The following DSCAM variants were observed in gnomAD, a reference collection of about 807,000 sequenced individuals.
DSCAM encodes cell adhesion molecule DSCAM.
A neutral mutation model predicts 217.7 loss-of-function variants in DSCAM; 47 were observed. The observed-to-expected ratio is 0.22, with a 90% CI of 0.17 to 0.28. The LOEUF (loss-of-function observed/expected upper bound fraction) is 0.28. DSCAM is among the 10% of genes least tolerant of loss of function. The pLI, the probability that DSCAM is intolerant of heterozygous loss-of-function variation, is 1.00. For synonymous variants in DSCAM, 1,056 were observed against 1,015.3 expected (o/e 1.04, Z -0.76); for missense variants, 2,080 against 2,618.3 (o/e 0.79, Z 4.49).
chr21:40,665,149 A>C (rs2090186160), intron 3 of DSCAM, among the ~76,000 whole-genome samples: 1 of 152,180 alleles, frequency 6.6e-6, no homozygotes, highest in Non-Finnish European at 1.5e-5. Flanking sequence ...TATAAATAGC[A>C]AGCAAAGGAA....
chr21:40,295,520 T>C (rs540886158), intron 10 of DSCAM, among the ~76,000 whole-genome samples: 93 of 152,172 alleles, frequency 6.1e-4, no homozygotes, highest in African/African-American at 2.2e-3. Flanking sequence ...ACAATCGCAA[T>C]AGGACATTGG....
chr21:40,533,295 T>C (rs1261363059), intron 3 of DSCAM, among the ~76,000 whole-genome samples: 2 of 152,236 alleles, frequency 1.3e-5, no homozygotes, highest in Non-Finnish European at 2.9e-5. Context: ...TTGCTCTATA[T>C]ATGTACAAAA....
intron 3 of DSCAM, among the ~76,000 whole-genome samples, chr21:40,612,552 C>T (rs1051890123): frequency 6.6e-6 from 1 of 152,152 alleles, no homozygotes; most frequent in Non-Finnish European, 1.5e-5. Flanking sequence ...TTGGTGTCTA[C>T]CCAGCAGAGG....
chr21:40,414,338 CT>C (rs1175581892), intron 3 of DSCAM, among the ~76,000 whole-genome samples: 1 of 152,096 alleles, frequency 6.6e-6, no homozygotes, highest in Non-Finnish European at 1.5e-5. Context: ...TGAACAGATA[CT>C]TAGTGAAAGG....
intron 16 of DSCAM, among the ~76,000 whole-genome samples, chr21:40,158,201 A>G (rs1039844780): frequency 5.3e-5 from 8 of 152,130 alleles, no homozygotes; most frequent in African/African-American, 1.7e-4. Context: ...CCTGGGCAAC[A>G]TAGTGAGACC....
At chr21:40,423,749 C>T (rs886417850) in intron 3 of DSCAM, among the ~76,000 whole-genome samples, 3 of 152,228 alleles carry the variant, frequency 2.0e-5, no homozygotes, top group South Asian at 2.1e-4. Flanking sequence ...GATTCGCTGC[C>T]GGTAACTCAG....
chr21:40,828,993 C>T (rs2091991894), intron 1 of DSCAM, among the ~76,000 whole-genome samples: 1 of 152,194 alleles, frequency 6.6e-6, no homozygotes, highest in South Asian at 2.1e-4. Flanking sequence ...TCCCGCAGCC[C>T]CTGCTAGTTC....
chr21:40,371,434 AAG>A (rs1555910563), intron 3 of DSCAM, among the ~76,000 whole-genome samples: 7,558 of 151,642 alleles, frequency 0.05, 310 homozygotes, highest in African/African-American at 0.12. Flanking sequence ...AAAAAAAAAA[AAG>A]ATGATGTATG....
intron 3 of DSCAM, among the ~76,000 whole-genome samples, chr21:40,430,349 G>C (rs1433020605): frequency 6.6e-6 from 1 of 152,178 alleles, no homozygotes; most frequent in African/African-American, 2.4e-5. Context: ...TGAGGCAGTG[G>C]GCTGCGGAAG....
At chr21:40,803,435 T>C (rs929178978) in intron 1 of DSCAM, among the ~76,000 whole-genome samples, 11 of 152,150 alleles carry the variant, frequency 7.2e-5, no homozygotes, top group African/African-American at 2.7e-4. Flanking sequence ...GTGACTCAAA[T>C]TCTGTTAAAG....
At chr21:40,645,883 T>G (rs563600693) in intron 3 of DSCAM, among the ~76,000 whole-genome samples, 2 of 152,320 alleles carry the variant, frequency 1.3e-5, no homozygotes, top group African/African-American at 4.8e-5. Context: ...TAAACTGTCT[T>G]GGGACATCAA....
intron 16 of DSCAM, among the ~76,000 whole-genome samples, chr21:40,165,877 C>A (rs966833956): frequency 6.6e-6 from 1 of 151,718 alleles, no homozygotes; most frequent in African/African-American, 2.4e-5. Context: ...GCTTGCTGAG[C>A]GTCTTTATTC....
chr21:40,263,635 C>A (rs2073483782), intron 11 of DSCAM, among the ~76,000 whole-genome samples: 1 of 152,064 alleles, frequency 6.6e-6, no homozygotes, highest in Admixed American at 6.6e-5. Context: ...GACAACCTAA[C>A]ATCACATTTC....
intron 9 of DSCAM, among the ~76,000 whole-genome samples, chr21:40,309,613 T>C (rs572204134): frequency 5.6e-4 from 86 of 152,296 alleles, no homozygotes; most frequent in African/African-American, 1.9e-3. Flanking sequence ...TCTTCCTCAT[T>C]TCTTCTCTGC....
rs1601639940 is a variant in DSCAM, at chr21:40,432,982, A to G, written c.509-63737T>C. ...TGTGAAAGCCAACATTTCTGTTGTA[A>G]CCATTTTCTATCTGTTTCAAATTAT... On this transcript the variant is annotated intron_variant, in intron 3 of 32. Coordinates refer to ENST00000400454, the MANE Select transcript of DSCAM (RefSeq NM_001389.5). 5.3e-5 allele frequency among the ~76,000 whole-genome samples: 8 copies of G among 152,250 alleles called. 1 individual carries two copies. The highest frequency in any genetic ancestry group is 5.2e-4 in the Admixed American group (8 of 15,284).
chr21:40,273,856 A>C (rs867774551), intron 11 of DSCAM, among the ~76,000 whole-genome samples: 2 of 152,162 alleles, frequency 1.3e-5, no homozygotes, highest in Admixed American at 6.5e-5. Flanking sequence ...TTCGATAAGG[A>C]CACTAATTCC....
In DSCAM at chr21:40,016,301, C is replaced by T. The variant is rs894570433; in HGVS notation, c.5687-2915G>A. 6.6e-6 allele frequency among the ~76,000 whole-genome samples: 1 copy of T among 152,160 alleles called. No homozygotes were observed. The highest frequency in any genetic ancestry group is 2.4e-5 in the African/African-American group (1 of 41,418). Reference sequence around the variant, plus strand: ...GAGGAGAAGGGGTTAGGGGTGACTCCTTCCCAGGCTCTAAGCTCAGGAAAC... The same window carrying T: ...GAGGAGAAGGGGTTAGGGGTGACTCTTTCCCAGGCTCTAAGCTCAGGAAAC... On this transcript the variant is annotated intron_variant, in intron 32 of 32. Coordinates refer to ENST00000400454, the MANE Select transcript of DSCAM (RefSeq NM_001389.5). This position sits in a 1 kb window ranked among gnomAD's most constrained non-coding sequence, Gnocchi z 4.3.
chr21:40,237,311 C>A (rs572495698), intron 11 of DSCAM, among the ~76,000 whole-genome samples: 1 of 152,194 alleles, frequency 6.6e-6, no homozygotes, highest in African/African-American at 2.4e-5. Context: ...GTTTGCTGCA[C>A]CCATCAACCT....
intron 3 of DSCAM, among the ~76,000 whole-genome samples, chr21:40,413,116 T>C (rs2075338509): frequency 6.6e-6 from 1 of 152,234 alleles, no homozygotes; most frequent in African/African-American, 2.4e-5. Context: ...AATGCCTGGA[T>C]GCCCAGGCAG....
Sources: gnomAD v4.1 joint callset for allele counts (sites outside exome capture counted in the v4.1 genomes callset) on GRCh38, gnomAD v4.1.1 for gene constraint, Gnocchi (gnomAD v3.1) non-coding constraint, MANE v1.5 for transcripts, NCBI Gene and HGNC (gene_info 2026-07-23, HGNC 2026-07-21) for gene names.